GFRA1: variants seen among roughly 807,000 people sequenced by gnomAD.
The protein encoded by GFRA1 is GDNF family receptor alpha-1.
A neutral mutation model predicts 51.6 loss-of-function variants in GFRA1; 16 were observed. The observed-to-expected ratio is 0.31, with a 90% confidence interval of 0.21 to 0.47. GFRA1 has a LOEUF of 0.47. Ranked by LOEUF, GFRA1 falls within the 20% of genes least tolerant of loss-of-function variation. The pLI is 1.00. For missense variants in GFRA1, 530 were observed against 594.3 expected (o/e 0.89, Z 1.13); for synonymous variants, 270 against 241.3 (o/e 1.12, Z -1.10).
intron 6 of GFRA1, among the ~76,000 whole-genome samples, chr10:116,124,272 C>A (rs1269110528): frequency 1.3e-5 from 2 of 151,044 alleles, no homozygotes; most frequent in African/African-American, 4.9e-5. Context: ...TCTTGTCGCC[C>A]AGGCTGGAGT....
chr10:116,244,398 TTAA>T (rs1299543357), intron 4 of GFRA1, among the ~76,000 whole-genome samples: 3 of 147,144 alleles, frequency 2.0e-5, no homozygotes, highest in South Asian at 2.1e-4. Context: ...TCATTTAATG[TTAA>T]TAATTAAAAT....
chr10:116,228,508 C>T (rs189260761), intron 4 of GFRA1, among the ~76,000 whole-genome samples: 148 of 152,164 alleles, frequency 9.7e-4, no homozygotes, highest in Non-Finnish European at 1.7e-3. Context: ...TTTGCAGATA[C>T]GATTAAATTA....
intron 6 of GFRA1, among the ~76,000 whole-genome samples, chr10:116,098,731 A>G (rs1194847804): frequency 6.6e-6 from 1 of 152,208 alleles, no homozygotes; most frequent in East Asian, 1.9e-4. Flanking sequence ...TTAACTGAAC[A>G]ACACTGTGAT....
chr10:116,259,201 T>C (rs1018112744), intron 4 of GFRA1, among the ~76,000 whole-genome samples: 2 of 152,130 alleles, frequency 1.3e-5, no homozygotes, highest in African/African-American at 4.8e-5. Context: ...ACAACAGAAA[T>C]CACAGTTGGC....
chr10:116,159,941 G>A (rs1959578798), intron 5 of GFRA1, among the ~76,000 whole-genome samples: 1 of 152,188 alleles, frequency 6.6e-6, no homozygotes, highest in Admixed American at 6.5e-5. Context: ...TGAACCATAA[G>A]GATTCCAATA....
intron 5 of GFRA1, among the ~76,000 whole-genome samples, chr10:116,129,243 C>CT (rs1369615475): frequency 1.3e-5 from 2 of 152,178 alleles, no homozygotes; most frequent in African/African-American, 4.8e-5. Context: ...AAATAATAGA[C>CT]TGATATTGCT....
chr10:116,105,403 C>G (rs969582115), intron 6 of GFRA1, among the ~76,000 whole-genome samples: 5 of 152,180 alleles, frequency 3.3e-5, no homozygotes, highest in Admixed American at 1.3e-4. Flanking sequence ...ATGGAGAATT[C>G]AGCAGCACCT....
intron 5 of GFRA1, among the ~76,000 whole-genome samples, chr10:116,204,230 G>A (rs1007203492): frequency 3.9e-5 from 6 of 152,246 alleles, no homozygotes; most frequent in African/African-American, 1.4e-4. Context: ...ACCAGTGAGA[G>A]GAGGCTAGAA....
chr10:116,219,183 T>C (rs1055047564), intron 4 of GFRA1, among the ~76,000 whole-genome samples: 2 of 152,134 alleles, frequency 1.3e-5, no homozygotes, highest in Non-Finnish European at 2.9e-5. Context: ...CTATCCCTAG[T>C]ATATCTCATT....
rs557216269 is a variant in GFRA1 at position 116,072,169 on chromosome 10, T to C, written c.1198-6543A>G. 4.9e-4 allele frequency among the ~76,000 whole-genome samples: 74 copies of C among 152,302 alleles called. 1 individual carries two copies. The South Asian group carries it at 0.015, about 32-fold the overall frequency. On this transcript the variant is annotated intron_variant, in intron 9 of 10. Coordinates refer to ENST00000355422, the MANE Select transcript of GFRA1 (RefSeq NM_005264.8). ...TTTGTGCTCCTATTTCAGTGATTTA[T>C]GTAATATTTAGCAAATGATGTAAGC...
chr10:116,121,428 G>C (rs1368068657), intron 6 of GFRA1, among the ~76,000 whole-genome samples: 1 of 152,174 alleles, frequency 6.6e-6, no homozygotes, highest in Non-Finnish European at 1.5e-5. Flanking sequence ...CAAGGGGAAA[G>C]GAATCTGTCA....
chr10:116,268,099 G>C (rs1969818126), intron 4 of GFRA1, among the ~76,000 whole-genome samples: 1 of 152,126 alleles, frequency 6.6e-6, no homozygotes, highest in Non-Finnish European at 1.5e-5. Context: ...GTTCAAATGA[G>C]ATCCTGTATT....
At chr10:116,152,440 G>A (rs1015909031) in intron 5 of GFRA1, among the ~76,000 whole-genome samples, 1 of 152,164 alleles carries the variant, frequency 6.6e-6, no homozygotes, top group Non-Finnish European at 1.5e-5. Context: ...GAAGGCAAAG[G>A]GGAGCAGGTG....
At chr10:116,064,707 G>A (rs1955015396) in intron 10 of GFRA1, among the ~76,000 whole-genome samples, 163 bp from the exon 11 acceptor site, 1 of 152,084 alleles carries the variant, frequency 6.6e-6, no homozygotes, top group African/African-American at 2.4e-5. Context: ...GTAGTTTTAT[G>A]GGAAGAAACC....
intron 9 of GFRA1, among the ~76,000 whole-genome samples, chr10:116,070,468 C>T (rs1955328362): frequency 6.6e-6 from 1 of 152,188 alleles, no homozygotes. Flanking sequence ...TTTAAATCTA[C>T]ATATTTTATG....
chr10:116,125,981 T>C (rs1020030083), intron 5 of GFRA1, among the ~76,000 whole-genome samples: 17 of 152,248 alleles, frequency 1.1e-4, no homozygotes, highest in African/African-American at 4.1e-4. Flanking sequence ...AAGAATGTAA[T>C]TATGTAATAA....
intron 6 of GFRA1, among the ~76,000 whole-genome samples, chr10:116,101,541 A>G (rs1316065220): frequency 6.6e-6 from 1 of 152,166 alleles, no homozygotes. Context: ...TTGGAAATAG[A>G]AAAATTATAA....
intron 9 of GFRA1, among the ~76,000 whole-genome samples, chr10:116,087,162 G>A (rs1381752310): frequency 1.3e-5 from 2 of 152,202 alleles, no homozygotes; most frequent in Non-Finnish European, 2.9e-5. Flanking sequence ...GGACAACCCT[G>A]AGGCAGTACA....
intron 5 of GFRA1, among the ~76,000 whole-genome samples, chr10:116,149,409 A>G (rs1336624379): frequency 6.6e-6 from 1 of 152,256 alleles, no homozygotes; most frequent in East Asian, 1.9e-4. Context: ...TACAATTTGG[A>G]TTTGCATTTT....
Sources: allele counts gnomAD v4.1 joint callset (sites outside exome capture counted in the v4.1 genomes callset), GRCh38; gene constraint gnomAD v4.1.1; transcripts MANE v1.5; gene names NCBI Gene and HGNC (gene_info 2026-07-23, HGNC 2026-07-21).